Variants in PLXNA3 observed in about 807,000 individuals in gnomAD.
The protein encoded by PLXNA3 is plexin A3.
PLXNA3 carries 52 observed loss-of-function variants against 118.8 expected under a neutral mutation model. The observed-to-expected ratio is 0.44, with a 90% CI of 0.35 to 0.55. The LOEUF is 0.55. Ranked by LOEUF, PLXNA3 falls within the 20% of genes least tolerant of loss-of-function variation. The pLI is 0.01. For missense variants in PLXNA3, 1,660 were observed against 1,730.8 expected (o/e 0.96, Z 0.73); for synonymous variants, 925 against 762.4 (o/e 1.21, Z -3.51).
rs1557209152 is a variant in PLXNA3, at chrX:154,470,621, C to T, written c.5156+10C>T. 5.0e-6 allele frequency: 6 copies of T among 1,203,481 alleles called. No homozygotes were observed. Among genetic ancestry groups the T allele is most frequent in the Admixed American group, 4.4e-5 (2 of 45,664 alleles). On this transcript the variant is annotated intron_variant, in intron 30 of 32. Transcript: ENST00000369682. ...CCTGGAAGAGCAACTGGTATCACCCCGTGCTGGGCTGCCAGCAGCCTGTCT... is the reference window on the plus strand; with the variant it reads ...CCTGGAAGAGCAACTGGTATCACCCTGTGCTGGGCTGCCAGCAGCCTGTCT...
chrX:154,461,092 TC>T lies in PLXNA3; in HGVS notation c.595-3del, dbSNP rs1557203979. The T allele has an allele frequency of 1.7e-6, 2 of 1,185,664 alleles. No homozygotes were observed. The highest frequency in any genetic ancestry group is 2.3e-6 in the Non-Finnish European group (2 of 878,032). On this transcript the variant is annotated splice_region_variant and splice_polypyrimidine_tract_variant and intron_variant, in intron 2 of 32. Coordinates refer to ENST00000369682, the MANE Select transcript of PLXNA3 (RefSeq NM_017514.5). ...ACCGGATGCTGTCTCCTCCCCCTGC[TC>T]CCCAGGTGTACCAGGATGAGTTTGT...
chrX:154,470,338 G>T, intron 29 of PLXNA3, 104 bp from the exon 30 acceptor site: 1 of 968,053 alleles, frequency 1.0e-6, no homozygotes, highest in South Asian at 2.2e-5. Context: ...TGGCCCTGTA[G>T]GGAAGCCCCT....
intron 30 of PLXNA3, 90 bp from the exon 31 acceptor site, chrX:154,471,015 C>A: frequency 1.4e-6 from 1 of 721,214 alleles, no homozygotes. Context: ...AAGATGTGAG[C>A]CGGCCCGACA....
chrX:154,465,046 A>C lies in PLXNA3; in HGVS notation c.2072A>C (p.Asp691Ala). ...TGCCCTGAGATCCTGCCCAGTGGGGACCTCCTGATCCCCGTTGGGGTCATG... is the reference window on the plus strand; with the variant it reads ...TGCCCTGAGATCCTGCCCAGTGGGGCCCTCCTGATCCCCGTTGGGGTCATG... ...EGCPEILPSG[D>A]LLIPVGVMQP... The change falls in exon 11 of 33, where the codon GAC becomes GCC. Residue 691 changes from aspartate to alanine, a missense_variant. Around this residue, in one of 2 missense-constraint regions of PLXNA3, gnomAD observed 791 missense variants for 652.1 expected, o/e 1.21. Transcript: ENST00000369682. 8.3e-7 allele frequency: 1 copy of C among 1,206,285 alleles called. No individual in the cohort carries two copies. The highest frequency in any genetic ancestry group is 1.1e-6 in the Non-Finnish European group (1 of 893,401).
rs1569554439 is a variant in PLXNA3 at position 154,465,134 on chromosome X, G to A, written c.2160G>A (p.Glu720=). The A allele has an allele frequency of 1.7e-6, 2 of 1,209,358 alleles. No individual in the cohort carries two copies. Among genetic ancestry groups the A allele is most frequent in the East Asian group, 3.0e-5 (1 of 33,766 alleles). The change falls in exon 11 of 33, where the codon GAG becomes GAA. Residue 720 remains glutamate (E), a synonymous_variant. Transcript: ENST00000369682. ...PQPQSGQKNY[E]CVVRVQGRQQ... ...CGCAGTCGGGCCAGAAGAACTATGA[G>A]TGCGTGGTGCGGGTGCAGGGGCGGC...
At position 154,468,749 on chromosome X, in the gene PLXNA3, G is replaced by A. The variant is rs782040039; in HGVS notation, c.4287+20G>A. The A allele has an allele frequency of 4.7e-5, 57 of 1,209,763 alleles. No homozygotes were observed. Among genetic ancestry groups the A allele is most frequent in the Non-Finnish European group, 5.9e-5 (53 of 894,951 alleles). On this transcript the variant is annotated intron_variant, in intron 24 of 32. Transcript: ENST00000369682. The stretch of plus-strand genomic sequence containing the variant: ...CTGAAGGTGCGCCAGGTGGGTGGGC[G>A]GCAGGGAGGTGGTGGCAGAGGACCG...
intron 4 of PLXNA3, among the ~76,000 whole-genome samples, chrX:154,462,837 C>T (rs1603390934): frequency 1.8e-5 from 2 of 109,394 alleles, no homozygotes; most frequent in Admixed American, 9.7e-5. Flanking sequence ...CACTCAGGTA[C>T]GTGTTGAATA....
Position 154,460,675 on chromosome X carries a change from G to A in PLXNA3, c.492G>A (p.Lys164=). 3.4e-6 allele frequency: 4 copies of A among 1,162,500 alleles called. No individual in the cohort carries two copies. Among genetic ancestry groups the A allele is most frequent in the Non-Finnish European group, 4.6e-6 (4 of 872,963 alleles). ...VIVEQGQGPS[K]LFVGTAVDGK... is the part of the protein sequence containing the mutation. ...TGGAGCAGGGCCAGGGGCCCAGCAA[G>A]CTGTTTGTGGGCACTGCTGTCGACG... is the stretch of plus-strand genomic sequence containing the variant. The change falls in exon 2 of 33, where the codon AAG becomes AAA. Residue 164 remains lysine (K), a synonymous_variant. Transcript: ENST00000369682.
Position 154,466,055 on chromosome X carries a change from C to G in PLXNA3, c.2653C>G (p.Pro885Ala). 2.5e-6 allele frequency: 3 copies of G among 1,209,384 alleles called. No individual in the cohort carries two copies. The highest frequency in any genetic ancestry group is 3.4e-6 in the Non-Finnish European group (3 of 894,127). ...GGCTGGCGTGCGTTGCAACTCCATT[C>G]CGGCCGAGTACATCAGTGCTGAGAG... ...RVAGVRCNSIPAEYISAERIV... is the reference protein window; with the variant it reads ...RVAGVRCNSIAAEYISAERIV... The change falls in exon 14 of 33, where the codon CCG (proline) becomes GCG (alanine). Residue 885 changes from proline (P) to alanine (A), a missense_variant. Physicochemically the swap from Pro to Ala is conservative, Grantham distance 27. Around this residue, in one of 2 missense-constraint regions of PLXNA3, gnomAD observed 869 missense variants for 1,078.7 expected, o/e 0.81. Transcript: ENST00000369682.
Position 154,471,240 on chromosome X carries a change from C to T in PLXNA3, c.5292C>T (p.His1764=), listed in dbSNP as rs781925891. ...TGGACTCCTGCTCTACATCCGAGCA[C>T]CGCCTGGGGAAGGACTCGCCCTCCA... ...TFMDSCSTSE[H]RLGKDSPSNK... The change falls in exon 31 of 33, where the codon CAC becomes CAT. Residue 1764 remains histidine (H), a synonymous_variant. Transcript: ENST00000369682. 1 of 1,211,548 alleles carries T rather than the reference C, an allele frequency of 8.3e-7. No homozygotes were observed. The highest frequency in any genetic ancestry group is 3.0e-5 in the East Asian group (1 of 33,849).
intron 32 of PLXNA3, 41 bp from the exon 33 acceptor site, chrX:154,472,549 C>T: frequency 1.1e-6 from 1 of 948,124 alleles, no homozygotes; most frequent in African/African-American, 1.9e-5. Context: ...AGGAGCTGCG[C>T]CCCCTACAGA....
rs367987922 is a variant in PLXNA3 at position 154,470,668 on chromosome X, G to A, written c.5156+57G>A. 316 of 1,101,154 alleles carry A rather than the reference G, an allele frequency of 2.9e-4. 1 individual carries two copies. In the East Asian group the frequency reaches 8.7e-3, roughly 30 times the overall value. 90.7% of individuals were successfully genotyped at this position (1,101,154 alleles called of 1,213,427 possible). On this transcript the variant is annotated intron_variant, in intron 30 of 32. Transcript: ENST00000369682. ...GTCTGGAGACTGGTGGGCGGAAGAC[G>A]CTGGTGGCTCTGCTGAGACCCAGGG... is the stretch of plus-strand genomic sequence containing the variant.
chrX:154,472,936 G>A lies in PLXNA3; in HGVS notation c.*251G>A, dbSNP rs1306172809. ...AGCAATACCCCCACCCTCCTGCCCT[G>A]TGCCCAGGTGTTGGGACAGTCCCAC... On this transcript the variant is annotated 3_prime_UTR_variant, in exon 33 of 33. Coordinates refer to ENST00000369682, the MANE Select transcript of PLXNA3 (RefSeq NM_017514.5). 1 of 340,369 alleles carries A rather than the reference G, an allele frequency of 2.9e-6. No homozygotes were observed. The highest frequency in any genetic ancestry group is 5.3e-6 in the Non-Finnish European group (1 of 190,377). The allele number at this position is 340,369 out of a possible 1,213,427, so 28.1% of individuals were successfully genotyped here. A position where few individuals can be genotyped will look rare whatever the true frequency, so the allele number is the denominator to read the frequency against.
chrX:154,469,141 A>G lies in PLXNA3; in HGVS notation c.4520A>G (p.Lys1507Arg). The G allele has an allele frequency of 1.7e-6, 2 of 1,211,237 alleles. No individual in the cohort carries two copies. Among genetic ancestry groups the G allele is most frequent in the Non-Finnish European group, 2.2e-6 (2 of 895,397 alleles). The change falls in exon 26 of 33, where the codon AAA becomes AGA. Residue 1507 changes from lysine to arginine, a missense_variant. By Grantham distance (26) the Lys-to-Arg change is conservative. Transcript: ENST00000369682. ...VLNCDSITQA[K>R]DKLLDTVYKG... ...AACTGTGACAGCATCACCCAGGCCA[A>G]AGATAAGCTGCTGGACACTGTGTAC...
At chrX:154,472,283 G>A (rs1230446271) in intron 32 of PLXNA3, among the ~76,000 whole-genome samples, 9 of 111,115 alleles carry the variant, frequency 8.1e-5, no homozygotes, top group African/African-American at 2.9e-4. Flanking sequence ...CGAGGGTCAC[G>A]GGGTCCTGGC....
intron 4 of PLXNA3, 56 bp from the exon 5 acceptor site, chrX:154,463,335 G>C (rs2069010144): frequency 8.3e-6 from 10 of 1,206,663 alleles, no homozygotes; most frequent in Non-Finnish European, 1.1e-5. Flanking sequence ...GGCTGGAGAA[G>C]ACAGTGTCCC....
chrX:154,461,018 G>C (rs1441677492), intron 2 of PLXNA3, 81 bp from the exon 3 acceptor site: 1 of 889,625 alleles, frequency 1.1e-6, no homozygotes, highest in Non-Finnish European at 1.6e-6. Flanking sequence ...GGCGGGAGGG[G>C]GATGCAGAGG....
chrX:154,462,339 G>T, intron 4 of PLXNA3, 29 bp downstream of exon 4: 1 of 1,070,351 alleles, frequency 9.3e-7, no homozygotes, highest in African/African-American at 2.1e-5. Context: ...GGCATGTGGG[G>T]GTGGGGACAG....
Position 154,463,420 on chromosome X carries a change from C to A in PLXNA3, c.1347C>A (p.His449Gln), listed in dbSNP as rs1451521446. 3 of 1,207,569 alleles carry A rather than the reference C, an allele frequency of 2.5e-6. No homozygotes were observed. The highest frequency in any genetic ancestry group is 3.5e-5 in the African/African-American group (2 of 56,524). The change falls in exon 5 of 33, where the codon CAC (histidine) becomes CAA (glutamine). Residue 449 changes from histidine (H) to glutamine (Q), a missense_variant. Physicochemically the swap from His to Gln is conservative, Grantham distance 24. This residue lies in a region of PLXNA3 where 791 missense variants were observed against 652.1 expected (regional missense o/e 1.21). Transcript: ENST00000369682. ...GGGTCGATGGCTTCCAGGATGCCCACCTGTATGAGACAGTCCCCGTGGTGG... is the reference window on the plus strand; with the variant it reads ...GGGTCGATGGCTTCCAGGATGCCCAACTGTATGAGACAGTCCCCGTGGTGG... ...KVRVDGFQDA[H>Q]LYETVPVVDG...
Sources: gnomAD v4.1 joint callset for allele counts (sites outside exome capture counted in the v4.1 genomes callset) on GRCh38, gnomAD v4.1.1 for gene constraint, gnomAD v4.1.1 regional missense constraint, MANE v1.5 for transcripts, NCBI Gene and HGNC (gene_info 2026-07-23, HGNC 2026-07-21) for gene names.